STAC: variants seen among roughly 807,000 people sequenced by gnomAD.
STAC encodes the protein SH3 and cysteine rich domain.
In STAC, 43 loss-of-function variants were observed where a neutral mutation model predicts 48.8. The observed-to-expected ratio is 0.88, with a 90% CI of 0.69 to 1.14. The LOEUF (loss-of-function observed/expected upper bound fraction) is 1.14. STAC is among the 50% of genes most tolerant of loss of function. STAC has a pLI of 0.00. For missense variants in STAC, 497 were observed against 504.0 expected (o/e 0.99, Z 0.13); for synonymous variants, 193 against 179.5 (o/e 1.07, Z -0.60).
At chr3:36,426,636 G>C (rs935838898) in intron 1 of STAC, among the ~76,000 whole-genome samples, 10 of 152,054 alleles carry the variant, frequency 6.6e-5, no homozygotes, top group African/African-American at 2.4e-4. Context: ...CCAGACTAGA[G>C]GAAAGGTCTC....
chr3:36,483,124 C>T (rs901657676), intron 3 of STAC, 32 bp downstream of exon 3: 1 of 1,534,616 alleles, frequency 6.5e-7, no homozygotes, highest in Non-Finnish European at 9.0e-7. Context: ...GAGGCCCACA[C>T]CTCTCTGCTA....
Position 36,482,979 on chromosome 3 carries a change from A to G in STAC, c.389-13A>G. ...GGTTGTATCCTAACCAAAGTTTGCC[A>G]TGTACCTGACAGGAACAAATGCTAA... On this transcript the variant is annotated splice_polypyrimidine_tract_variant and intron_variant, in intron 2 of 10. Transcript: ENST00000273183. The G allele has an allele frequency of 6.2e-7, 1 of 1,605,248 alleles. No individual in the cohort carries two copies. The highest frequency in any genetic ancestry group is 8.5e-7 in the Non-Finnish European group (1 of 1,172,190).
chr3:36,521,425 A>G (rs2125725945), intron 8 of STAC, among the ~76,000 whole-genome samples: 1 of 152,256 alleles, frequency 6.6e-6, no homozygotes, highest in East Asian at 1.9e-4. Context: ...GAACATTGCC[A>G]TCGCCCTCTA....
chr3:36,394,788 T>C (rs1020734973), intron 1 of STAC, among the ~76,000 whole-genome samples: 1 of 151,726 alleles, frequency 6.6e-6, no homozygotes, highest in Non-Finnish European at 1.5e-5. Context: ...TCCCAGCTAC[T>C]CAGGAGGCTG....
chr3:36,520,555 C>T (rs539423500), intron 8 of STAC, among the ~76,000 whole-genome samples: 4 of 152,274 alleles, frequency 2.6e-5, no homozygotes, highest in South Asian at 4.1e-4. Context: ...CTTGGTGTCT[C>T]GTTTCTATTC....
intron 7 of STAC, among the ~76,000 whole-genome samples, chr3:36,504,814 T>C (rs1432462144): frequency 6.6e-6 from 1 of 152,010 alleles, no homozygotes; most frequent in Non-Finnish European, 1.5e-5. Flanking sequence ...GTACCTGAGC[T>C]TTGAAGAGCA....
At chr3:36,465,121 A>T (rs552430168) in intron 2 of STAC, among the ~76,000 whole-genome samples, 1 of 152,246 alleles carries the variant, frequency 6.6e-6, no homozygotes, top group African/African-American at 2.4e-5. Context: ...CCATACCAAC[A>T]TCTATTTTTT....
In STAC at chr3:36,443,235, T is replaced by C; in HGVS notation, c.112-129T>C. On this transcript the variant is annotated intron_variant, in intron 1 of 10. Coordinates refer to ENST00000273183, the MANE Select transcript of STAC (RefSeq NM_003149.3). This position sits in a 1 kb window ranked among gnomAD's most constrained non-coding sequence, Gnocchi z 4.2. ...CATCACCCCACCCACACAGGGACAT[T>C]TATGAGCCTCCTCAAGACGGAGGGT... is the stretch of plus-strand genomic sequence containing the variant. 8.9e-7 allele frequency: 1 copy of C among 1,118,494 alleles called. No homozygotes were observed. The highest frequency in any genetic ancestry group is 1.3e-6 in the Non-Finnish European group (1 of 791,752). The allele number at this position is 1,118,494 out of a possible 1,614,324, so 69.3% of individuals were successfully genotyped here. A position where few individuals can be genotyped will look rare whatever the true frequency, so the allele number is the denominator to read the frequency against.
chr3:36,515,991 T>C (rs1436786547), intron 8 of STAC, among the ~76,000 whole-genome samples: 7 of 142,548 alleles, frequency 4.9e-5, no homozygotes, highest in African/African-American at 1.6e-4. Flanking sequence ...TTTTTTTTTT[T>C]TTTTTTTTTG....
chr3:36,465,192 T>A (rs144929106), intron 2 of STAC, among the ~76,000 whole-genome samples: 2,129 of 152,332 alleles, frequency 0.014, 21 homozygotes, highest in Non-Finnish European at 0.021. Flanking sequence ...TGGTTTTGAT[T>A]TGCATTTCCC....
rs576419199 is a variant in STAC at position 36,520,650 on chromosome 3, T to A, written c.921-8046T>A. Among the ~76,000 whole-genome samples the A allele has an allele frequency of 2.5e-4, 38 of 152,314 alleles. No homozygotes were observed. The South Asian group carries it at 7.9e-3, about 32-fold the overall frequency. On this transcript the variant is annotated intron_variant, in intron 8 of 10. Transcript: ENST00000273183. ...ATGCACCAATTTGATTTAAAAATAA[T>A]CTTCACAGTCACCAGGACATCAAAA...
At chr3:36,465,887 C>A (rs747898074) in intron 2 of STAC, among the ~76,000 whole-genome samples, 1 of 152,136 alleles carries the variant, frequency 6.6e-6, no homozygotes, top group South Asian at 2.1e-4. Context: ...GGTGGATCTA[C>A]CTTCCCCCGC....
intron 1 of STAC, among the ~76,000 whole-genome samples, chr3:36,429,598 G>A (rs920638169): frequency 6.6e-6 from 1 of 152,110 alleles, no homozygotes; most frequent in Non-Finnish European, 1.5e-5. Context: ...CTATACACTT[G>A]TTTTCTGGAT....
At chr3:36,531,917 T>TA (rs1699082126) in intron 10 of STAC, among the ~76,000 whole-genome samples, 1 of 152,318 alleles carries the variant, frequency 6.6e-6, no homozygotes, top group Non-Finnish European at 1.5e-5. Flanking sequence ...ACAATGGTAG[T>TA]AAAAAACTTA....
intron 8 of STAC, among the ~76,000 whole-genome samples, chr3:36,514,717 G>A (rs191772160): frequency 6.8e-4 from 103 of 152,188 alleles, no homozygotes; most frequent in Middle Eastern, 3.4e-3. Context: ...CACTTAGTGG[G>A]CAAATCAAGT....
intron 1 of STAC, among the ~76,000 whole-genome samples, chr3:36,441,140 G>A (rs1696335713): frequency 6.6e-6 from 1 of 151,990 alleles, no homozygotes; most frequent in South Asian, 2.1e-4. Flanking sequence ...ACTATATAAT[G>A]TATTGTTGTT....
At chr3:36,442,782 ACACACACACAC>A (rs1696387335) in intron 1 of STAC, among the ~76,000 whole-genome samples, 1 of 80,254 alleles carries the variant, frequency 1.2e-5, no homozygotes, top group African/African-American at 3.7e-5. Context: ...ACACACACAC[ACACACACACAC>A]ACACACACAG....
chr3:36,478,367 CAA>C (rs1162602252), intron 2 of STAC, among the ~76,000 whole-genome samples: 2 of 152,184 alleles, frequency 1.3e-5, no homozygotes, highest in African/African-American at 4.8e-5. Context: ...TATTTTTCCT[CAA>C]ATTAAAAATT....
intron 8 of STAC, among the ~76,000 whole-genome samples, chr3:36,507,071 T>C (rs1170401302): frequency 6.6e-6 from 1 of 152,200 alleles, no homozygotes; most frequent in Non-Finnish European, 1.5e-5. Flanking sequence ...TTGTCATAAG[T>C]AGCTCTTATT....
Sources: allele counts gnomAD v4.1 joint callset (sites outside exome capture counted in the v4.1 genomes callset), GRCh38; gene constraint gnomAD v4.1.1; non-coding constraint Gnocchi (gnomAD v3.1); transcripts MANE v1.5; gene names NCBI Gene and HGNC (gene_info 2026-07-23, HGNC 2026-07-21).